NSF: variants seen among roughly 807,000 people sequenced by gnomAD.
NSF encodes vesicle-fusing ATPase.
A neutral mutation model predicts 50.3 loss-of-function variants in NSF; 14 were observed. The ratio of observed to expected loss-of-function variants is 0.28; its 90% CI spans 0.18 to 0.44. The LOEUF (loss-of-function observed/expected upper bound fraction) is 0.44. NSF is among the 20% of genes least tolerant of loss of function. The pLI, the probability that NSF is intolerant of heterozygous loss-of-function variation, is 1.00. For missense variants in NSF, 218 were observed against 504.3 expected, an observed-to-expected ratio of 0.43 and a Z score of 5.44; for synonymous variants, 109 against 175.7, an observed-to-expected ratio of 0.62 and a Z score of 3.00.
chr17:46,609,776 A>C (rs2057989465), intron 1 of NSF, among the ~76,000 whole-genome samples: 1 of 143,724 alleles, frequency 7.0e-6, no homozygotes, highest in African/African-American at 2.6e-5. Flanking sequence ...TGCAGCATTG[A>C]AGATGTGCAG....
At chr17:46,750,272 G>A (rs1598739903) in intron 18 of NSF, among the ~76,000 whole-genome samples, 1 of 152,208 alleles carries the variant, frequency 6.6e-6, no homozygotes, top group South Asian at 2.1e-4. Context: ...AGAATCTCTT[G>A]AACCCAGGAG....
intron 15 of NSF, chr17:46,722,215 A>C (rs539628735): frequency 3.4e-6 from 5 of 1,480,986 alleles, no homozygotes; most frequent in Non-Finnish European, 4.7e-6. Context: ...AAGAGACCCA[A>C]ATCTCGCGAG....
intron 9 of NSF, among the ~76,000 whole-genome samples, chr17:46,690,628 T>A (rs866148695): frequency 0.014 from 1,382 of 96,516 alleles, 22 homozygotes; most frequent in Middle Eastern, 0.042. Context: ...AAAAAAAATA[T>A]ATATATATAT....
At chr17:46,729,299 A>G (rs1471990852) in intron 17 of NSF, among the ~76,000 whole-genome samples, 3 of 152,194 alleles carry the variant, frequency 2.0e-5, no homozygotes, top group Non-Finnish European at 2.9e-5. Context: ...TGTTTCATTT[A>G]TAATTTCATG....
At chr17:46,741,566 A>G (rs535554702) in intron 17 of NSF, among the ~76,000 whole-genome samples, 2 of 152,010 alleles carry the variant, frequency 1.3e-5, no homozygotes, top group South Asian at 2.1e-4. Context: ...TTCCTTTGGT[A>G]TTCAGCTTAA....
intron 20 of NSF, 49 bp from the exon 21 acceptor site, chr17:46,755,750 GTTT>G: frequency 9.0e-7 from 1 of 1,106,592 alleles, no homozygotes; most frequent in Non-Finnish European, 1.3e-6. Flanking sequence ...TTGATGAATA[GTTT>G]TTTACGGACC....
intron 17 of NSF, among the ~76,000 whole-genome samples, chr17:46,747,217 G>A (rs2146333190): frequency 6.6e-6 from 1 of 152,314 alleles, no homozygotes; most frequent in Non-Finnish European, 1.5e-5. Context: ...GGAAAAAGGG[G>A]CAAGTCATAG....
chr17:46,756,049 C>A lies in NSF; in HGVS notation c.*226C>A. 1.9e-6 allele frequency: 1 copy of A among 515,548 alleles called. No individual in the cohort carries two copies. 31.9% of individuals were successfully genotyped at this position (515,548 alleles called of 1,614,324 possible). The stretch of plus-strand genomic sequence containing the variant: ...AATTTGGTTTAGAATGCTGCGCTTA[C>A]CTTCCCATGCAGGCTAAAGTGATTC... On this transcript the variant is annotated 3_prime_UTR_variant, in exon 21 of 21. Transcript: ENST00000398238.
At chr17:46,711,170 A>AT (rs2058716133) in intron 14 of NSF, 51 bp downstream of exon 14, 1 of 1,433,898 alleles carries the variant, frequency 7.0e-7, no homozygotes, top group South Asian at 1.6e-5. Flanking sequence ...AAAAAGCAGC[A>AT]TTTTTTAAAA....
chr17:46,599,994 G>T (rs1598634631), intron 1 of NSF, among the ~76,000 whole-genome samples: 2 of 65,244 alleles, frequency 3.1e-5, no homozygotes, highest in African/African-American at 8.2e-5. Flanking sequence ...GTCTCACTTG[G>T]TGGCCTGGGC....
intron 18 of NSF, among the ~76,000 whole-genome samples, chr17:46,750,968 A>C (rs560802064): frequency 6.6e-6 from 1 of 152,188 alleles, no homozygotes; most frequent in East Asian, 1.9e-4. Flanking sequence ...TTAACTTTTA[A>C]TATCAATATT....
chr17:46,732,512 T>C (rs1441361612), intron 17 of NSF, among the ~76,000 whole-genome samples: 1 of 152,186 alleles, frequency 6.6e-6, no homozygotes, highest in African/African-American at 2.4e-5. Context: ...GAATTTTAAA[T>C]TTTTCTAAGT....
intron 17 of NSF, among the ~76,000 whole-genome samples, chr17:46,731,168 G>A (rs2058944978): frequency 6.6e-6 from 1 of 152,038 alleles, no homozygotes; most frequent in African/African-American, 2.4e-5. Context: ...ATAAAAAAAA[G>A]TAGTACCATT....
Position 46,756,442 on chromosome 17 carries a change from A to G in NSF, c.*619A>G, listed in dbSNP as rs1598744675. On this transcript the variant is annotated 3_prime_UTR_variant, in exon 21 of 21. Coordinates refer to ENST00000398238, the MANE Select transcript of NSF (RefSeq NM_006178.4). The stretch of plus-strand genomic sequence containing the variant: ...AGTTGCAGTCAGAAGATCTTTCTTA[A>G]TAGAAAGTCAGATGACTACCGTGTT... 1 of 152,276 alleles carries G rather than the reference A, an allele frequency of 6.6e-6. No individual in the cohort carries two copies. Among genetic ancestry groups the G allele is most frequent in the East Asian group, 1.9e-4 (1 of 5,206 alleles). The allele number at this position is 152,276 out of a possible 1,614,324, so 9.4% of individuals were successfully genotyped here.
intron 15 of NSF, among the ~76,000 whole-genome samples, chr17:46,725,471 A>AT (rs1258743557): frequency 1.3e-5 from 2 of 152,170 alleles, no homozygotes; most frequent in Non-Finnish European, 2.9e-5. Flanking sequence ...TTATGCCAGG[A>AT]AAGAGGTAAG....
In NSF at chr17:46,739,639, C is replaced by T. The variant is rs977330679; in HGVS notation, c.1909-10134C>T. On this transcript the variant is annotated intron_variant, in intron 17 of 20. Transcript: ENST00000398238. Reference sequence around the variant, plus strand: ...TGACTCCTGTGGGCCCCTTCCTCTACTAAAAAAAAAAATAAATTTTCCACC... The same window carrying T: ...TGACTCCTGTGGGCCCCTTCCTCTATTAAAAAAAAAAATAAATTTTCCACC... Among the ~76,000 whole-genome samples the T allele has an allele frequency of 6.0e-5, 9 of 150,498 alleles. No individual in the cohort carries two copies. In the South Asian group the frequency reaches 1.9e-3, roughly 31 times the overall value.
At chr17:46,718,396 A>G (rs1475310450) in intron 15 of NSF, among the ~76,000 whole-genome samples, 1 of 152,252 alleles carries the variant, frequency 6.6e-6, no homozygotes, top group Admixed American at 6.5e-5. Flanking sequence ...GAATATTCCT[A>G]ACAAAAAGAA....
intron 17 of NSF, among the ~76,000 whole-genome samples, chr17:46,735,330 C>T (rs1239602457): frequency 6.6e-6 from 1 of 151,944 alleles, no homozygotes; most frequent in East Asian, 1.9e-4. Context: ...GATCCATTGC[C>T]TTAAATAAGT....
chr17:46,691,339 A>G (rs1337510783), intron 9 of NSF, among the ~76,000 whole-genome samples: 3 of 96,578 alleles, frequency 3.1e-5, no homozygotes, highest in African/African-American at 4.4e-5. Context: ...TCACGCCTGT[A>G]ATCCCAGCAC....
Sources: gnomAD v4.1 joint callset for allele counts (sites outside exome capture counted in the v4.1 genomes callset) on GRCh38, gnomAD v4.1.1 for gene constraint, MANE v1.5 for transcripts, NCBI Gene and HGNC (gene_info 2026-07-23, HGNC 2026-07-21) for gene names.